Variants in WWC1 observed in about 807,000 individuals in gnomAD.
WWC1 encodes protein KIBRA.
Under a neutral mutation model 138.4 loss-of-function variants are expected in WWC1, and 55 were observed. The observed-to-expected ratio is 0.40, with a 90% CI of 0.32 to 0.50. WWC1 has a LOEUF of 0.50. Ranked by LOEUF, WWC1 falls within the 20% of genes least tolerant of loss-of-function variation. WWC1 has a pLI of 0.72. For missense variants in WWC1, 1,226 were observed against 1,420.4 expected, an observed-to-expected ratio of 0.86 and a Z score of 2.20; for synonymous variants, 524 against 564.9, an observed-to-expected ratio of 0.93 and a Z score of 1.03.
chr5:168,447,575 C>T (rs1323013725), intron 17 of WWC1, among the ~76,000 whole-genome samples: 5 of 152,056 alleles, frequency 3.3e-5, no homozygotes, highest in Non-Finnish European at 1.5e-5. Context: ...ATATAAAAAC[C>T]ATTCATGGCT....
intron 1 of WWC1, among the ~76,000 whole-genome samples, chr5:168,318,151 A>G (rs1771763081): frequency 6.6e-6 from 1 of 152,104 alleles, no homozygotes; most frequent in Non-Finnish European, 1.5e-5. Flanking sequence ...AAAGTCCACA[A>G]CACTTAATCT....
intron 14 of WWC1, 101 bp downstream of exon 14, chr5:168,430,324 TCA>T: frequency 1.1e-6 from 1 of 919,568 alleles, no homozygotes; most frequent in Non-Finnish European, 1.7e-6. Context: ...ATGGGCCTTG[TCA>T]AGGCACTGTG....
At chr5:168,341,633 G>A (rs1269258083) in intron 1 of WWC1, among the ~76,000 whole-genome samples, 2 of 151,792 alleles carry the variant, frequency 1.3e-5, no homozygotes, top group Admixed American at 6.6e-5. Context: ...TCTCCTCTAG[G>A]TAGCTGGCCT....
At chr5:168,381,843 GAAAA>G (rs751379785) in intron 2 of WWC1, among the ~76,000 whole-genome samples, 1 of 123,642 alleles carries the variant, frequency 8.1e-6, no homozygotes, top group Admixed American at 8.2e-5. Context: ...CTTTTAAAAA[GAAAA>G]AAAAAAAAGC....
chr5:168,453,960 C>T lies in WWC1; in HGVS notation c.2526-8C>T. 1 of 1,611,614 alleles carries T rather than the reference C, an allele frequency of 6.2e-7. No homozygotes were observed. The highest frequency in any genetic ancestry group is 8.5e-7 in the Non-Finnish European group (1 of 1,179,654). On this transcript the variant is annotated splice_polypyrimidine_tract_variant and splice_region_variant and intron_variant, in intron 17 of 22. Transcript: ENST00000265293. ...TGGGTGGGTAACCAAAGTGCTTTGT[C>T]ATCACAGGAGGTATGAGGAGACCAG...
At chr5:168,434,372 G>T (rs56246224) in intron 15 of WWC1, among the ~76,000 whole-genome samples, 1 of 151,720 alleles carries the variant, frequency 6.6e-6, no homozygotes, top group Non-Finnish European at 1.5e-5. Context: ...GAGGAAAAAG[G>T]CCTGTCCTCT....
intron 14 of WWC1, 62 bp from the exon 15 acceptor site, chr5:168,431,190 C>T: frequency 4.8e-6 from 7 of 1,467,924 alleles, no homozygotes; most frequent in East Asian, 4.6e-5. Flanking sequence ...GCTGTTTAGT[C>T]CAACATTTTA....
rs762043710 is a variant in WWC1, at chr5:168,451,246, TC to T, written c.2526-2720del. Among the ~76,000 whole-genome samples the T allele has an allele frequency of 1.1e-3, 173 of 152,232 alleles. 1 individual carries two copies. In the Middle Eastern group the frequency reaches 0.024, roughly 21 times the overall value. On this transcript the variant is annotated intron_variant, in intron 17 of 22. Transcript: ENST00000265293. ...CATATTGGTCAGGCTGGTCTCGAAC[TC>T]CTGACCTCAGGTGATCCACCCACCT...
At chr5:168,380,854 C>G (rs890830665) in intron 2 of WWC1, among the ~76,000 whole-genome samples, 1 of 152,150 alleles carries the variant, frequency 6.6e-6, no homozygotes, top group Non-Finnish European at 1.5e-5. Flanking sequence ...AGGAATGAGT[C>G]TCAAAAACCT....
intron 1 of WWC1, among the ~76,000 whole-genome samples, chr5:168,328,625 C>T (rs1772767423): frequency 6.6e-6 from 1 of 152,186 alleles, no homozygotes; most frequent in Non-Finnish European, 1.5e-5. Flanking sequence ...CAGCTCACTG[C>T]AACCTCCGCC....
intron 8 of WWC1, among the ~76,000 whole-genome samples, chr5:168,412,819 A>G (rs1028621768): frequency 2.0e-5 from 3 of 152,230 alleles, no homozygotes; most frequent in African/African-American, 7.2e-5. Flanking sequence ...TAATCTAGAG[A>G]TGATTTAAAG....
rs970445793 is a variant in WWC1 at position 168,469,179 on chromosome 5, G to A, written c.*162G>A. 2.0e-5 allele frequency: 14 copies of A among 686,704 alleles called. No homozygotes were observed. In the African/African-American group the frequency reaches 2.3e-4, roughly 11 times the overall value. 42.5% of individuals were successfully genotyped at this position (686,704 alleles called of 1,614,324 possible). A position where few individuals can be genotyped will look rare whatever the true frequency, so the allele number is the denominator to read the frequency against. ...ACTTTTTAGTTTGGGTCCTACTGTT[G>A]TTATTAAAAACAGAACAAAAACAAA... On this transcript the variant is annotated 3_prime_UTR_variant, in exon 23 of 23. Transcript: ENST00000265293.
intron 1 of WWC1, among the ~76,000 whole-genome samples, chr5:168,329,781 G>T (rs1274039821): frequency 2.0e-5 from 3 of 152,176 alleles, no homozygotes; most frequent in Non-Finnish European, 4.4e-5. Flanking sequence ...AGATAAAGGG[G>T]AAAGTGAAAT....
chr5:168,374,157 A>T (rs751696266), intron 2 of WWC1, among the ~76,000 whole-genome samples: 23 of 152,150 alleles, frequency 1.5e-4, no homozygotes, highest in African/African-American at 5.5e-4. Flanking sequence ...TTATTGGCCA[A>T]CTCTTCTGGG....
At chr5:168,320,359 C>A (rs1293495258) in intron 1 of WWC1, among the ~76,000 whole-genome samples, 1 of 152,044 alleles carries the variant, frequency 6.6e-6, no homozygotes, top group Non-Finnish European at 1.5e-5. Flanking sequence ...AAAGCCAACT[C>A]CTCATGCCAC....
intron 3 of WWC1, among the ~76,000 whole-genome samples, chr5:168,394,618 C>T (rs1245240765): frequency 6.6e-6 from 1 of 152,014 alleles, no homozygotes; most frequent in Non-Finnish European, 1.5e-5. Flanking sequence ...CCCAGCTACT[C>T]GGGAGGCTGA....
At chr5:168,368,443 G>A (rs1280134002) in intron 1 of WWC1, among the ~76,000 whole-genome samples, 1 of 152,174 alleles carries the variant, frequency 6.6e-6, no homozygotes. Flanking sequence ...GCAGAAACAG[G>A]GGAGCTGTTG....
At chr5:168,357,483 TGTGTGTGTGTGC>T (rs754865713) in intron 1 of WWC1, among the ~76,000 whole-genome samples, 3,389 of 79,132 alleles carry the variant, frequency 0.043, 58 homozygotes, top group South Asian at 0.13. Flanking sequence ...TGTGTGTGTG[TGTGTGTGTGTGC>T]GCGCGCGCAC....
intron 1 of WWC1, among the ~76,000 whole-genome samples, chr5:168,336,456 C>G (rs1773461694): frequency 6.6e-6 from 1 of 151,204 alleles, no homozygotes; most frequent in African/African-American, 2.4e-5. Context: ...TCTGTAATCC[C>G]AGCTACTAGG....
Sources: gnomAD v4.1 joint callset for allele counts (sites outside exome capture counted in the v4.1 genomes callset) on GRCh38, gnomAD v4.1.1 for gene constraint, MANE v1.5 for transcripts, NCBI Gene and HGNC (gene_info 2026-07-23, HGNC 2026-07-21) for gene names.